Variants in PRKCB observed in about 807,000 individuals in gnomAD.
PRKCB encodes the protein protein kinase C beta, also known as protein kinase C beta type.
PRKCB carries 13 observed loss-of-function variants against 81.5 expected under a neutral mutation model. The ratio of observed to expected loss-of-function variants is 0.16; its 90% CI spans 0.10 to 0.25. PRKCB has a LOEUF of 0.25. PRKCB is among the 10% of genes least tolerant of loss of function. The pLI is 1.00. For synonymous variants in PRKCB, 335 were observed against 321.4 expected, an observed-to-expected ratio of 1.04 and a Z score of -0.45; for missense variants, 509 against 875.7, an observed-to-expected ratio of 0.58 and a Z score of 5.29.
At chr16:23,847,468 C>CTGG (rs1962397003) in intron 2 of PRKCB, among the ~76,000 whole-genome samples, 1 of 149,744 alleles carries the variant, frequency 6.7e-6, no homozygotes. Context: ...ATCCATCCAT[C>CTGG]CATCCATCCA....
At chr16:24,070,727 C>T (rs1016998537) in intron 5 of PRKCB, among the ~76,000 whole-genome samples, 10 of 152,126 alleles carry the variant, frequency 6.6e-5, no homozygotes, top group Admixed American at 2.0e-4. Context: ...TCCAAGCCTC[C>T]GCAGCCAGGA....
chr16:24,064,986 G>A (rs1596534028), intron 5 of PRKCB, among the ~76,000 whole-genome samples: 1 of 146,982 alleles, frequency 6.8e-6, no homozygotes, highest in South Asian at 2.1e-4. Context: ...ATGTTTTATG[G>A]TGTGTGTGTA....
In PRKCB at chr16:24,089,956, C is replaced by T. The variant is rs76984450; in HGVS notation, c.530-2835C>T. ...TCTTTATCCAATTTTACTCTTGTAA[C>T]AACCTATTTTATTGATCAAGAAATT... On this transcript the variant is annotated intron_variant, in intron 5 of 16. Coordinates refer to ENST00000643927, the MANE Select transcript of PRKCB (RefSeq NM_002738.7). Among the ~76,000 whole-genome samples, 503 of 152,266 alleles carry T rather than the reference C, an allele frequency of 3.3e-3. 2 individuals are homozygous for T. The highest frequency in any genetic ancestry group is 0.011 in the African/African-American group (463 of 41,542).
At chr16:23,947,938 G>A (rs949490366) in intron 2 of PRKCB, among the ~76,000 whole-genome samples, 5 of 130,262 alleles carry the variant, frequency 3.8e-5, no homozygotes, top group Admixed American at 1.6e-4. Context: ...ATAAACCCAT[G>A]TCTCTTTAAT....
intron 5 of PRKCB, among the ~76,000 whole-genome samples, chr16:24,047,353 A>T (rs993285506): frequency 4.7e-5 from 7 of 150,206 alleles, no homozygotes; most frequent in African/African-American, 1.8e-4. Flanking sequence ...AAAAATAAAT[A>T]AATAAAATAA....
intron 16 of PRKCB, among the ~76,000 whole-genome samples, chr16:24,207,552 GT>G (rs1443045561): frequency 2.6e-5 from 4 of 152,162 alleles, no homozygotes; most frequent in Non-Finnish European, 4.4e-5. Context: ...ATATAACTAT[GT>G]CATTTAATAT....
intron 5 of PRKCB, among the ~76,000 whole-genome samples, chr16:24,036,210 CTGGTGGTGGTGG>C (rs71154268): frequency 6.6e-6 from 1 of 150,978 alleles, no homozygotes; most frequent in Admixed American, 6.6e-5. Flanking sequence ...GGAGGAGCTG[CTGGTGGTGGTGG>C]TGGTGGTGGT....
chr16:23,947,174 T>G (rs1366020518), intron 2 of PRKCB, among the ~76,000 whole-genome samples: 3 of 152,114 alleles, frequency 2.0e-5, no homozygotes, highest in African/African-American at 4.8e-5. Context: ...ACACTTTGAG[T>G]AGCAAGGGGC....
At chr16:23,879,469 T>C (rs1963070194) in intron 2 of PRKCB, among the ~76,000 whole-genome samples, 2 of 145,592 alleles carry the variant, frequency 1.4e-5, no homozygotes, top group African/African-American at 5.0e-5. Context: ...TTGTTGTTGG[T>C]CCTTTAGCTA....
intron 5 of PRKCB, among the ~76,000 whole-genome samples, chr16:24,084,795 A>G (rs1966291780): frequency 6.6e-6 from 1 of 152,182 alleles, no homozygotes; most frequent in Non-Finnish European, 1.5e-5. Flanking sequence ...AAGAATTGAA[A>G]TCTTGAAATT....
At chr16:24,092,361 A>C (rs1391946283) in intron 5 of PRKCB, among the ~76,000 whole-genome samples, 1 of 152,266 alleles carries the variant, frequency 6.6e-6, no homozygotes, top group Non-Finnish European at 1.5e-5. Flanking sequence ...CCAACTATGC[A>C]TCAACTGCTG....
At chr16:23,930,668 GA>G (rs1963959837) in intron 2 of PRKCB, among the ~76,000 whole-genome samples, 1 of 152,244 alleles carries the variant, frequency 6.6e-6, no homozygotes, top group African/African-American at 2.4e-5. Flanking sequence ...TGTCTTTCTA[GA>G]TTTCTTCCTT....
At position 23,990,375 on chromosome 16, in the gene PRKCB, G is replaced by A. The variant is rs557513094; in HGVS notation, c.288+1785G>A. ...TGGGAGGCTGAGGCAGGAGAATGGC[G>A]TGAACCTGGGAGGCAGAGCTTGCAG... On this transcript the variant is annotated intron_variant, in intron 3 of 16. Coordinates refer to ENST00000643927, the MANE Select transcript of PRKCB (RefSeq NM_002738.7). Among the ~76,000 whole-genome samples the A allele has an allele frequency of 1.3e-3, 204 of 151,804 alleles. 2 individuals are homozygous for A. Among genetic ancestry groups the A allele is most frequent in the Non-Finnish European group, 1.8e-3 (119 of 67,936 alleles).
chr16:23,934,301 C>A (rs1964026951), intron 2 of PRKCB, among the ~76,000 whole-genome samples: 1 of 140,862 alleles, frequency 7.1e-6, no homozygotes, highest in African/African-American at 2.7e-5. Flanking sequence ...GATTTTTAGG[C>A]ATTGAGGAAA....
chr16:24,145,297 G>C (rs1266216242), intron 9 of PRKCB, among the ~76,000 whole-genome samples: 1 of 152,170 alleles, frequency 6.6e-6, no homozygotes, highest in African/African-American at 2.4e-5. Flanking sequence ...GAATAGAATG[G>C]ACCAGGTGCA....
At chr16:24,119,099 C>G (rs1374644213) in intron 8 of PRKCB, among the ~76,000 whole-genome samples, 1 of 149,610 alleles carries the variant, frequency 6.7e-6, no homozygotes, top group Non-Finnish European at 1.5e-5. Flanking sequence ...AAACTCTGTG[C>G]AGACCAGACC....
intron 2 of PRKCB, among the ~76,000 whole-genome samples, chr16:23,868,291 G>T (rs77387468): frequency 6.6e-6 from 1 of 152,164 alleles, no homozygotes; most frequent in East Asian, 1.9e-4. Flanking sequence ...TGCAGAATGG[G>T]AAGCAAAAAA....
At chr16:24,105,870 A>C (rs561941356) in intron 7 of PRKCB, among the ~76,000 whole-genome samples, 1 of 152,320 alleles carries the variant, frequency 6.6e-6, no homozygotes, top group South Asian at 2.1e-4. Context: ...AGGATGATTT[A>C]TAATTCTGAA....
In PRKCB at chr16:24,168,541, C is replaced by CTT. The variant is rs56671761; in HGVS notation, c.1240-3701_1240-3700dup. ...TTCATTATTTTTCTTTCTTCTTCTA[C>CTT]TTTTTTTTTTTTTTTTTTTTTTTTT... On this transcript the variant is annotated intron_variant, in intron 10 of 16. Transcript: ENST00000643927. Among the ~76,000 whole-genome samples the CTT allele has an allele frequency of 1.4e-3, 105 of 76,358 alleles. 17 individuals carry two copies. The highest frequency in any genetic ancestry group is 3.5e-3 in the East Asian group (10 of 2,828). 50.1% of individuals were successfully genotyped at this position (76,358 alleles called of 152,430 possible).
Sources: gnomAD v4.1 joint callset for allele counts (sites outside exome capture counted in the v4.1 genomes callset) on GRCh38, gnomAD v4.1.1 for gene constraint, MANE v1.5 for transcripts, NCBI Gene and HGNC (gene_info 2026-07-23, HGNC 2026-07-21) for gene names.